RASGEF1A: variants seen among roughly 807,000 people sequenced by gnomAD.
The protein encoded by RASGEF1A is ras-GEF domain-containing family member 1A.
In RASGEF1A, 18 loss-of-function variants were observed where a neutral mutation model predicts 56.4. The observed-to-expected ratio is 0.32, with a 90% CI of 0.22 to 0.47. RASGEF1A has a LOEUF of 0.47. RASGEF1A is among the 20% of genes least tolerant of loss of function. The pLI is 1.00. For synonymous variants in RASGEF1A, 245 were observed against 242.6 expected, an observed-to-expected ratio of 1.01 and a Z score of -0.09; for missense variants, 422 against 627.1, an observed-to-expected ratio of 0.67 and a Z score of 3.49.
chr10:43,199,046 G>A, intron 8 of RASGEF1A, 34 bp from the exon 9 acceptor site: 1 of 1,601,554 alleles, frequency 6.2e-7, no homozygotes. Flanking sequence ...CAGGGCCGGG[G>A]GGGTGGGCCA....
chr10:43,229,525 C>T (rs961778101), intron 1 of RASGEF1A: 3 of 885,328 alleles, frequency 3.4e-6, no homozygotes, highest in South Asian at 1.8e-5. Context: ...GTCCTCAGGG[C>T]GGGCACCCTC....
Position 43,199,235 on chromosome 10 carries a change from G to T in RASGEF1A, c.850-41C>A, listed in dbSNP as rs765443467. On this transcript the variant is annotated intron_variant, in intron 7 of 12. Transcript: ENST00000395810. Reference sequence around the variant, plus strand: ...TGACCTCAGCATGGCGCTGCCGGGGGACAGCAGGAGCTGGGGCCGCCGGGC... The same window carrying T: ...TGACCTCAGCATGGCGCTGCCGGGGTACAGCAGGAGCTGGGGCCGCCGGGC... 20 of 1,505,330 alleles carry T rather than the reference G, an allele frequency of 1.3e-5. No individual in the cohort carries two copies. The Middle Eastern group carries it at 5.5e-4, about 41-fold the overall frequency. The allele number at this position is 1,505,330 out of a possible 1,614,324, so 93.2% of individuals were successfully genotyped here. A position where few individuals can be genotyped will look rare whatever the true frequency, so the allele number is the denominator to read the frequency against.
intron 1 of RASGEF1A, among the ~76,000 whole-genome samples, chr10:43,234,650 T>A (rs994777498): frequency 6.6e-6 from 1 of 152,200 alleles, no homozygotes; most frequent in Non-Finnish European, 1.5e-5. Context: ...GCCCTGCTGA[T>A]GCCACCTCAT....
At chr10:43,260,006 G>A (rs1013159368) in intron 1 of RASGEF1A, among the ~76,000 whole-genome samples, 1 of 152,178 alleles carries the variant, frequency 6.6e-6, no homozygotes, top group Non-Finnish European at 1.5e-5. Flanking sequence ...GCACGGGAGC[G>A]ACCTGGCCTC....
At chr10:43,262,476 T>C (rs1208729693) in intron 1 of RASGEF1A, among the ~76,000 whole-genome samples, 1 of 151,882 alleles carries the variant, frequency 6.6e-6, no homozygotes. Context: ...CCCTCTCCTC[T>C]CCTCTCCCTG....
Position 43,196,687 on chromosome 10 carries a change from G to A in RASGEF1A, c.1349-139C>T. On this transcript the variant is annotated intron_variant, in intron 11 of 12. Transcript: ENST00000395810. This position sits in a 1 kb window ranked among gnomAD's most constrained non-coding sequence, Gnocchi z 4.6. ...CTGAACACAGTTCTCTGCTGTGCGG[G>A]GCTCTCAGGCTGCCTGTTGGGGACT... The A allele has an allele frequency of 2.4e-6, 2 of 834,444 alleles. No homozygotes were observed. The highest frequency in any genetic ancestry group is 3.9e-6 in the Non-Finnish European group (2 of 519,114). 51.7% of individuals were successfully genotyped at this position (834,444 alleles called of 1,614,324 possible).
chr10:43,205,813 C>G, intron 2 of RASGEF1A, 106 bp downstream of exon 2: 3 of 937,018 alleles, frequency 3.2e-6, no homozygotes, highest in Non-Finnish European at 5.0e-6. Flanking sequence ...CCTCCTGCAG[C>G]CCTGTCCAGC....
rs60627376 is a variant in RASGEF1A at position 43,225,930 on chromosome 10, G to A, written c.-6-19808C>T. Among the ~76,000 whole-genome samples the A allele has an allele frequency of 2.4e-3, 367 of 152,294 alleles. 2 individuals are homozygous for A. The highest frequency in any genetic ancestry group is 8.3e-3 in the African/African-American group (345 of 41,556). On this transcript the variant is annotated intron_variant, in intron 1 of 12. Transcript: ENST00000395810. ...TCTGACGCATACTTACCGGCCCAAG[G>A]CTGGGCAGGGGTGGCTGGCGGCAGT...
At chr10:43,201,966 G>T in intron 3 of RASGEF1A, 21 bp from the exon 4 acceptor site, 1 of 1,592,286 alleles carries the variant, frequency 6.3e-7, no homozygotes, top group South Asian at 1.1e-5. Flanking sequence ...AGGGGATACA[G>T]AGTAAGGCCC....
intron 1 of RASGEF1A, among the ~76,000 whole-genome samples, chr10:43,229,280 C>T (rs1388267501): frequency 6.6e-6 from 1 of 152,206 alleles, no homozygotes; most frequent in Non-Finnish European, 1.5e-5. Context: ...GACCACACAC[C>T]GCGGACCACC....
chr10:43,204,557 G>A (rs1839965510), intron 2 of RASGEF1A, among the ~76,000 whole-genome samples: 1 of 152,214 alleles, frequency 6.6e-6, no homozygotes, highest in African/African-American at 2.4e-5. Context: ...CCAAGGGCAG[G>A]GCACCCAAGG....
In RASGEF1A at chr10:43,265,455, G is replaced by A. The variant is rs553120217; in HGVS notation, c.-7+1390C>T. Among the ~76,000 whole-genome samples, 167 of 152,334 alleles carry A rather than the reference G, an allele frequency of 1.1e-3. 4 individuals are homozygous for A. In the South Asian group the frequency reaches 0.033, roughly 30 times the overall value. On this transcript the variant is annotated intron_variant, in intron 1 of 12. Transcript: ENST00000395810. ...AGTGTGGGCCTGCTGCACCCGCCTC[G>A]CTGGGTCACTACCACCCACAGCCCT...
intron 1 of RASGEF1A, among the ~76,000 whole-genome samples, chr10:43,224,203 T>G (rs539376357): frequency 1.2e-4 from 19 of 152,222 alleles, no homozygotes; most frequent in African/African-American, 4.6e-4. Flanking sequence ...TTATATGATA[T>G]ATAAACTATT....
At chr10:43,250,758 G>A (rs1840619301) in intron 1 of RASGEF1A, among the ~76,000 whole-genome samples, 1 of 152,234 alleles carries the variant, frequency 6.6e-6, no homozygotes, top group Admixed American at 6.5e-5. Context: ...AAGCACATGA[G>A]GGGCATTGTG....
At chr10:43,237,499 A>G (rs1314855835) in intron 1 of RASGEF1A, among the ~76,000 whole-genome samples, 1 of 129,788 alleles carries the variant, frequency 7.7e-6, no homozygotes, top group Non-Finnish European at 1.6e-5. Context: ...TCTCCAGACC[A>G]CAGACACAGT....
intron 5 of RASGEF1A, 72 bp from the exon 6 acceptor site, chr10:43,200,328 G>A (rs571838913): frequency 3.2e-5 from 43 of 1,361,566 alleles, no homozygotes; most frequent in Non-Finnish European, 3.0e-5. Flanking sequence ...ATAGGCATGC[G>A]GACAGGGAGA....
At chr10:43,218,358 G>A (rs1445276866) in intron 1 of RASGEF1A, among the ~76,000 whole-genome samples, 1 of 152,234 alleles carries the variant, frequency 6.6e-6, no homozygotes, top group Non-Finnish European at 1.5e-5. Flanking sequence ...AGGTGGACCC[G>A]TTGACCTGGT....
intron 1 of RASGEF1A, among the ~76,000 whole-genome samples, chr10:43,241,163 G>T (rs1840493844): frequency 6.6e-6 from 1 of 152,092 alleles, no homozygotes; most frequent in African/African-American, 2.4e-5. Context: ...AACTTTACTG[G>T]TTTTATATTT....
In RASGEF1A at chr10:43,197,046, T is replaced by C; in HGVS notation, c.1278A>G (p.Val426=). The C allele has an allele frequency of 6.2e-7, 1 of 1,613,468 alleles. No individual in the cohort carries two copies. The highest frequency in any genetic ancestry group is 8.5e-7 in the Non-Finnish European group (1 of 1,179,392). ...TCTTGTCCTTCTCGAAAGGACACTC[T>C]ACCTGTGTCCATGTCATGAACTCAT... ...QIHEFMTWTQ[V]ECPFEKDKKI... The change falls in exon 11 of 13, where the codon GTA becomes GTG. Residue 426 remains valine (V), a synonymous_variant. Transcript: ENST00000395810.
Sources: gnomAD v4.1 joint callset for allele counts (sites outside exome capture counted in the v4.1 genomes callset) on GRCh38, gnomAD v4.1.1 for gene constraint, Gnocchi (gnomAD v3.1) non-coding constraint, MANE v1.5 for transcripts, NCBI Gene and HGNC (gene_info 2026-07-23, HGNC 2026-07-21) for gene names.